MAGI2: variants seen among roughly 807,000 people sequenced by gnomAD.
MAGI2 encodes membrane-associated guanylate kinase, WW and PDZ domain-containing protein 2.
In MAGI2, 35 loss-of-function variants were observed where a neutral mutation model predicts 133.3. The observed-to-expected ratio is 0.26, with a 90% CI of 0.20 to 0.35. The LOEUF (loss-of-function observed/expected upper bound fraction) is 0.35, where lower values mean the gene tolerates loss of function less well. Ranked by LOEUF, MAGI2 falls within the 10% of genes least tolerant of loss-of-function variation. The pLI is 1.00. For missense variants in MAGI2, 1,636 were observed against 1,863.4 expected, an observed-to-expected ratio of 0.88 and a Z score of 2.25; for synonymous variants, 729 against 710.6, an observed-to-expected ratio of 1.03 and a Z score of -0.41.
At position 78,696,000 on chromosome 7, in the gene MAGI2, A is replaced by G. The variant is rs572447355; in HGVS notation, c.419-68761T>C. 1.7e-3 allele frequency among the ~76,000 whole-genome samples: 260 copies of G among 152,276 alleles called. 3 individuals carry two copies. In the Middle Eastern group the frequency reaches 0.031, roughly 18 times the overall value. ...GCCCAGGTTGAAGTGCAGTGGCATT[A>G]TCATAGCTCACTGCAGCCCTGAGCT... On this transcript the variant is annotated intron_variant, in intron 2 of 21. Coordinates refer to ENST00000354212, the MANE Select transcript of MAGI2 (RefSeq NM_012301.4).
intron 1 of MAGI2, among the ~76,000 whole-genome samples, chr7:79,277,073 A>G (rs562325434): frequency 6.6e-6 from 1 of 152,182 alleles, no homozygotes; most frequent in African/African-American, 2.4e-5. Context: ...TGTAGGTAAA[A>G]TGCTATGAAA....
intron 6 of MAGI2, among the ~76,000 whole-genome samples, chr7:78,434,257 G>T (rs1800067385): frequency 6.6e-6 from 1 of 152,128 alleles, no homozygotes; most frequent in Non-Finnish European, 1.5e-5. Flanking sequence ...TACAATGATT[G>T]TATAGAGAGG....
chr7:78,344,321 C>T (rs2151187247), intron 8 of MAGI2, among the ~76,000 whole-genome samples: 1 of 152,326 alleles, frequency 6.6e-6, no homozygotes, highest in South Asian at 2.1e-4. Flanking sequence ...CAGACAACAT[C>T]TGGATCTGTT....
At chr7:78,324,688 C>T (rs373211903) in intron 9 of MAGI2, among the ~76,000 whole-genome samples, 37 of 152,248 alleles carry the variant, frequency 2.4e-4, no homozygotes, top group African/African-American at 3.6e-4. Context: ...TGCCCAGGTG[C>T]GGTGGCTCAC....
At chr7:79,190,560 T>G (rs1455820555) in intron 1 of MAGI2, among the ~76,000 whole-genome samples, 1 of 151,878 alleles carries the variant, frequency 6.6e-6, no homozygotes, top group Non-Finnish European at 1.5e-5. Flanking sequence ...TATTTTCTCC[T>G]AGTTTTACTT....
At chr7:78,441,295 C>T (rs1318476484) in intron 6 of MAGI2, among the ~76,000 whole-genome samples, 1 of 152,184 alleles carries the variant, frequency 6.6e-6, no homozygotes, top group Non-Finnish European at 1.5e-5. Flanking sequence ...TAAAAGGGAT[C>T]TGACCTACCA....
intron 2 of MAGI2, among the ~76,000 whole-genome samples, chr7:78,722,077 T>TC (rs1820326554): frequency 1.3e-5 from 2 of 151,262 alleles, no homozygotes; most frequent in Admixed American, 1.3e-4. Context: ...CCATAAAAGG[T>TC]ATGACTCTTT....
intron 1 of MAGI2, among the ~76,000 whole-genome samples, chr7:79,047,988 G>C (rs761205759): frequency 6.6e-6 from 1 of 152,102 alleles, no homozygotes; most frequent in South Asian, 2.1e-4. Context: ...TTCCCACTAC[G>C]ATGGCCTATT....
chr7:78,773,873 A>G (rs903486368), intron 2 of MAGI2, among the ~76,000 whole-genome samples: 21 of 152,224 alleles, frequency 1.4e-4, no homozygotes, highest in African/African-American at 5.1e-4. Context: ...AGACAATTAC[A>G]TGTTTTACAA....
chr7:79,135,960 AAAG>A (rs1821371933), intron 1 of MAGI2, among the ~76,000 whole-genome samples: 1 of 25,414 alleles, frequency 3.9e-5, no homozygotes, highest in Admixed American at 5.6e-4. Context: ...AGAAAGAAAG[AAAG>A]AAAGAAAGAA....
intron 2 of MAGI2, among the ~76,000 whole-genome samples, chr7:78,842,805 A>G (rs1792259781): frequency 6.6e-6 from 1 of 151,922 alleles, no homozygotes; most frequent in Admixed American, 6.6e-5. Flanking sequence ...ATCAAAATCT[A>G]AATTTCATTT....
intron 7 of MAGI2, among the ~76,000 whole-genome samples, chr7:78,356,633 A>T (rs149399986): frequency 7.0e-4 from 107 of 152,336 alleles, no homozygotes; most frequent in African/African-American, 2.3e-3. Context: ...GGACATGGAA[A>T]CATGTTAATT....
At position 78,426,460 on chromosome 7, in the gene MAGI2, G is replaced by T. The variant is rs568191032; in HGVS notation, c.1046-57247C>A. 2.0e-5 allele frequency among the ~76,000 whole-genome samples: 3 copies of T among 152,156 alleles called. No individual in the cohort carries two copies. In the South Asian group the frequency reaches 6.2e-4, roughly 32 times the overall value. On this transcript the variant is annotated intron_variant, in intron 6 of 21. Coordinates refer to ENST00000354212, the MANE Select transcript of MAGI2 (RefSeq NM_012301.4). Reference sequence around the variant, plus strand: ...ATCACACTCTGGGGACTGTTGTGGGGTGGGGGGAGCGCGGAGGGATAGCAT... The same window carrying T: ...ATCACACTCTGGGGACTGTTGTGGGTTGGGGGGAGCGCGGAGGGATAGCAT...
At chr7:79,408,845 C>T (rs1845973726) in intron 1 of MAGI2, among the ~76,000 whole-genome samples, 2 of 152,200 alleles carry the variant, frequency 1.3e-5, no homozygotes, top group African/African-American at 2.4e-5. Context: ...AGTAAAGATA[C>T]ATCAGTGAAT....
At chr7:78,124,068 CTGTT>C (rs1460755610) in intron 20 of MAGI2, among the ~76,000 whole-genome samples, 1 of 152,218 alleles carries the variant, frequency 6.6e-6, no homozygotes, top group African/African-American at 2.4e-5. Context: ...TACATGGCCA[CTGTT>C]TGTAACCGAC....
intron 2 of MAGI2, among the ~76,000 whole-genome samples, chr7:78,689,632 T>C (rs1266802121): frequency 6.7e-6 from 1 of 150,204 alleles, no homozygotes; most frequent in South Asian, 2.1e-4. Flanking sequence ...TTGCCTGTTC[T>C]AAGATTTCAT....
intron 3 of MAGI2, among the ~76,000 whole-genome samples, chr7:78,523,911 C>T (rs2150594010): frequency 6.6e-6 from 1 of 152,274 alleles, no homozygotes; most frequent in South Asian, 2.1e-4. Context: ...AAGGAGCCCA[C>T]TCCAGACACT....
intron 1 of MAGI2, among the ~76,000 whole-genome samples, chr7:79,028,243 A>ATATGTATG (rs1810127468): frequency 4.1e-5 from 2 of 48,584 alleles, no homozygotes; most frequent in African/African-American, 1.6e-4. Context: ...ATGTATATAT[A>ATATGTATG]TATATATATA....
chr7:79,301,160 A>G (rs1585487055), intron 1 of MAGI2, among the ~76,000 whole-genome samples: 2 of 152,346 alleles, frequency 1.3e-5, no homozygotes, highest in East Asian at 1.9e-4. Context: ...GCCCCCACAC[A>G]GAGTTCCTAT....
Sources: allele counts gnomAD v4.1 joint callset (sites outside exome capture counted in the v4.1 genomes callset), GRCh38; gene constraint gnomAD v4.1.1; transcripts MANE v1.5; gene names NCBI Gene and HGNC (gene_info 2026-07-23, HGNC 2026-07-21).